Variants in JMJD1C observed in about 807,000 individuals in gnomAD.
JMJD1C encodes jumonji domain-containing protein 1C.
In JMJD1C, 31 loss-of-function variants were observed where a neutral mutation model predicts 245.3. That is an observed-to-expected ratio of 0.13 (90% confidence interval 0.09 to 0.17). The LOEUF (loss-of-function observed/expected upper bound fraction) is 0.17. Ranked by LOEUF, JMJD1C falls within the 10% of genes least tolerant of loss-of-function variation. The pLI is 1.00. For synonymous variants in JMJD1C, 1,057 were observed against 1,017.4 expected (o/e 1.04, Z -0.74); for missense variants, 2,691 against 3,000.2 (o/e 0.90, Z 2.41).
intron 1 of JMJD1C, among the ~76,000 whole-genome samples, chr10:63,437,274 T>A (rs1045226841): frequency 1.3e-5 from 2 of 152,202 alleles, no homozygotes; most frequent in Admixed American, 6.5e-5. Flanking sequence ...CCTTATTTCA[T>A]TCAATCTTTA....
chr10:63,401,626 T>C (rs1400112480), intron 1 of JMJD1C, among the ~76,000 whole-genome samples: 1 of 152,188 alleles, frequency 6.6e-6, no homozygotes, highest in African/African-American at 2.4e-5. Flanking sequence ...TCTCTCCTGA[T>C]GAACATACCA....
rs1382787880 is a variant in JMJD1C at position 63,168,144 on chromosome 10, A to ATGT, written c.7534-13_7534-11dup. The ATGT allele has an allele frequency of 6.4e-7, 1 of 1,552,548 alleles. No individual in the cohort carries two copies. ...ACAAAATATTTTTAACCTGAAAGAG[A>ATGT]TGTTGATATTTCTAATCACTTCAGT... is the stretch of plus-strand genomic sequence containing the variant. On this transcript the variant is annotated splice_polypyrimidine_tract_variant and intron_variant, in intron 25 of 25. Transcript: ENST00000399262.
At chr10:63,177,360 C>A (rs1564553429) in intron 23 of JMJD1C, 1 of 247,772 alleles carries the variant, frequency 4.0e-6, no homozygotes, top group South Asian at 4.9e-5. Context: ...AAATAAAGAT[C>A]CTACCTTCTT....
At chr10:63,205,627 G>A (rs920841678) in intron 10 of JMJD1C, among the ~76,000 whole-genome samples, 2 of 152,074 alleles carry the variant, frequency 1.3e-5, no homozygotes, top group Non-Finnish European at 2.9e-5. Context: ...TACACTATTA[G>A]GCAATTTCCT....
chr10:63,242,090 ATTACT>A (rs1851552236), intron 3 of JMJD1C, among the ~76,000 whole-genome samples: 1 of 152,218 alleles, frequency 6.6e-6, no homozygotes. Context: ...ATTTGGAATA[ATTACT>A]TTAGGAAACA....
At chr10:63,288,055 A>AT (rs563600152) in intron 2 of JMJD1C, among the ~76,000 whole-genome samples, 276 of 152,184 alleles carry the variant, frequency 1.8e-3, no homozygotes, top group African/African-American at 6.4e-3. Flanking sequence ...AAATTTTTAA[A>AT]TTTTTTGTAG....
At chr10:63,430,000 A>G (rs1056983626) in intron 1 of JMJD1C, among the ~76,000 whole-genome samples, 1 of 152,188 alleles carries the variant, frequency 6.6e-6, no homozygotes, top group Non-Finnish European at 1.5e-5. Context: ...ATCCAGATTC[A>G]ATATTAAGAA....
chr10:63,389,525 A>C (rs1478023031), intron 1 of JMJD1C, among the ~76,000 whole-genome samples: 5 of 151,444 alleles, frequency 3.3e-5, no homozygotes, highest in Admixed American at 3.3e-4. Flanking sequence ...CATTAGATTT[A>C]AACTGCACAT....
At chr10:63,307,121 T>C (rs1246885623) in intron 2 of JMJD1C, among the ~76,000 whole-genome samples, 1 of 152,190 alleles carries the variant, frequency 6.6e-6, no homozygotes, top group Non-Finnish European at 1.5e-5. Flanking sequence ...TTTACAGTGG[T>C]TGGTGTCCAC....
chr10:63,421,356 G>A lies in JMJD1C; in HGVS notation c.169-40874C>T, dbSNP rs536005310. Among the ~76,000 whole-genome samples the A allele has an allele frequency of 4.7e-3, 716 of 152,200 alleles. 7 individuals are homozygous for A. Among genetic ancestry groups the A allele is most frequent in the South Asian group, 0.019 (90 of 4,820 alleles). ...TCTCAAAAAAAAGATGTAAACTTAA[G>A]ATGGCAAAACTATATAGAGCAAAGC... On this transcript the variant is annotated intron_variant, in intron 1 of 25. Coordinates refer to ENST00000399262, the MANE Select transcript of JMJD1C (RefSeq NM_032776.3).
chr10:63,362,788 T>C lies in JMJD1C; in HGVS notation c.333+17530A>G, dbSNP rs144414986. Among the ~76,000 whole-genome samples the C allele has an allele frequency of 7.0e-4, 107 of 152,254 alleles. 1 individual carries two copies. Among genetic ancestry groups the C allele is most frequent in the African/African-American group, 2.5e-3 (103 of 41,548 alleles). On this transcript the variant is annotated intron_variant, in intron 2 of 25. Coordinates refer to ENST00000399262, the MANE Select transcript of JMJD1C (RefSeq NM_032776.3). Reference sequence around the variant, plus strand: ...GAGCCATCATGCCTGGCCTAGTATATTGTATTTATATATAATTCCTAAAAT... The same window carrying C: ...GAGCCATCATGCCTGGCCTAGTATACTGTATTTATATATAATTCCTAAAAT...
intron 4 of JMJD1C, 48 bp downstream of exon 4, chr10:63,219,830 A>G: frequency 1.6e-6 from 2 of 1,289,662 alleles, no homozygotes; most frequent in Non-Finnish European, 2.2e-6. Flanking sequence ...AAATATGATA[A>G]GTTGCCTAGA....
chr10:63,325,982 T>A (rs1941448406), intron 2 of JMJD1C, among the ~76,000 whole-genome samples: 1 of 152,186 alleles, frequency 6.6e-6, no homozygotes, highest in Non-Finnish European at 1.5e-5. Context: ...TTATAAAAAA[T>A]TATTTTAAAT....
At chr10:63,338,499 A>G (rs1456461080) in intron 2 of JMJD1C, among the ~76,000 whole-genome samples, 2 of 152,066 alleles carry the variant, frequency 1.3e-5, no homozygotes, top group African/African-American at 4.8e-5. Context: ...CTTTTCAGAT[A>G]AAATTTAAGT....
chr10:63,192,469 G>A (rs1844953379), intron 16 of JMJD1C, among the ~76,000 whole-genome samples: 1 of 152,140 alleles, frequency 6.6e-6, no homozygotes, highest in African/African-American at 2.4e-5. Flanking sequence ...TTGGGAGGCT[G>A]AGGCAGGACA....
intron 2 of JMJD1C, among the ~76,000 whole-genome samples, chr10:63,277,380 A>G (rs929659162): frequency 4.6e-5 from 7 of 151,934 alleles, no homozygotes; most frequent in African/African-American, 1.7e-4. Context: ...ATGAATAAAG[A>G]TAGTCTTGTT....
rs894333690 is a variant in JMJD1C, at chr10:63,167,895, T to C, written c.*150A>G. On this transcript the variant is annotated 3_prime_UTR_variant, in exon 26 of 26. Transcript: ENST00000399262. ...ACAGGAGCTGTGACATATGCTATACTGCTGTGGTGTCAGTAACAAGTAATT... is the reference window on the plus strand; with the variant it reads ...ACAGGAGCTGTGACATATGCTATACCGCTGTGGTGTCAGTAACAAGTAATT... The C allele has an allele frequency of 3.4e-6, 2 of 595,982 alleles. No individual in the cohort carries two copies. The highest frequency in any genetic ancestry group is 2.9e-5 in the Admixed American group (1 of 35,004). 36.9% of individuals were successfully genotyped at this position (595,982 alleles called of 1,614,324 possible).
chr10:63,310,855 A>T (rs1455786309), intron 2 of JMJD1C, among the ~76,000 whole-genome samples: 1 of 152,192 alleles, frequency 6.6e-6, no homozygotes, highest in Non-Finnish European at 1.5e-5. Flanking sequence ...GTAAAAAAAG[A>T]TGTTTAACTT....
chr10:63,168,593 T>C, intron 24 of JMJD1C, 27 bp from the exon 25 acceptor site: 1 of 1,545,640 alleles, frequency 6.5e-7, no homozygotes, highest in Non-Finnish European at 8.7e-7. Flanking sequence ...AACCGTGAAA[T>C]ACAAGTTTTA....
Sources: gnomAD v4.1 joint callset for allele counts (sites outside exome capture counted in the v4.1 genomes callset) on GRCh38, gnomAD v4.1.1 for gene constraint, MANE v1.5 for transcripts, NCBI Gene and HGNC (gene_info 2026-07-23, HGNC 2026-07-21) for gene names.